SPTAN1: variants seen among roughly 807,000 people sequenced by gnomAD.
SPTAN1 encodes spectrin alpha chain, non-erythrocytic 1.
SPTAN1 carries 61 observed loss-of-function variants against 331.3 expected under a neutral mutation model. The observed-to-expected ratio is 0.18, with a 90% CI of 0.15 to 0.23. SPTAN1 has a LOEUF of 0.23. Among genes scored for constraint, SPTAN1 ranks in the 10% least tolerant of loss-of-function variants. The probability of loss-of-function intolerance (pLI) is 1.00; values close to 1 mark genes in which losing one functional copy is unlikely to be tolerated. For missense variants in SPTAN1, 2,043 were observed against 3,147.9 expected (o/e 0.65, Z 8.40); for synonymous variants, 1,153 against 1,173.9 (o/e 0.98, Z 0.36).
chr9:128,568,081 G>A lies in SPTAN1; in HGVS notation c.238-691G>A, dbSNP rs1032608562. On this transcript the variant is annotated intron_variant, in intron 2 of 56. Coordinates refer to ENST00000372739, the MANE Select transcript of SPTAN1 (RefSeq NM_001130438.3). ...TCGGCCAAAACTTTTTTTATAAAAA[G>A]GGAAAGCCTTTCTTCTCACTTATTT... Among the ~76,000 whole-genome samples the A allele has an allele frequency of 9.2e-5, 14 of 152,312 alleles. No individual in the cohort carries two copies. In the South Asian group the frequency reaches 2.5e-3, roughly 27 times the overall value.
At chr9:128,613,834 G>A (rs1037071006) in intron 40 of SPTAN1, among the ~76,000 whole-genome samples, 3 of 151,618 alleles carry the variant, frequency 2.0e-5, no homozygotes, top group Non-Finnish European at 2.9e-5. Flanking sequence ...TGAGACCTCC[G>A]TCTCTACTAA....
intron 45 of SPTAN1, among the ~76,000 whole-genome samples, chr9:128,623,879 A>C (rs990110050): frequency 6.6e-6 from 1 of 151,724 alleles, no homozygotes; most frequent in Non-Finnish European, 1.5e-5. Flanking sequence ...TGAGGTCAGG[A>C]GTTCGAGACC....
intron 1 of SPTAN1, among the ~76,000 whole-genome samples, chr9:128,560,851 T>C (rs1284032819): frequency 6.6e-6 from 1 of 151,264 alleles, no homozygotes; most frequent in Non-Finnish European, 1.5e-5. Flanking sequence ...ACCCAATCTC[T>C]ACAAAAGTAC....
intron 3 of SPTAN1, among the ~76,000 whole-genome samples, chr9:128,572,429 C>T (rs1850835065): frequency 6.6e-6 from 1 of 151,996 alleles, no homozygotes; most frequent in South Asian, 2.1e-4. Context: ...TCAGACACAT[C>T]AGCAATGGGA....
intron 10 of SPTAN1, 110 bp from the exon 11 acceptor site, chr9:128,580,812 A>G: frequency 4.7e-6 from 7 of 1,498,758 alleles, no homozygotes; most frequent in Non-Finnish European, 5.5e-6. Flanking sequence ...ATCGGAAAAA[A>G]GGCCTGAAGA....
chr9:128,633,124 G>A lies in SPTAN1; in HGVS notation c.7309-85G>A, dbSNP rs1860085808. The A allele has an allele frequency of 5.0e-6, 8 of 1,605,034 alleles. No individual in the cohort carries two copies. The Admixed American group carries it at 6.7e-5, about 14-fold the overall frequency. On this transcript the variant is annotated intron_variant, in intron 56 of 56. Coordinates refer to ENST00000372739, the MANE Select transcript of SPTAN1 (RefSeq NM_001130438.3). ...GATCTGCTTGTAGAAGCAGCTCCGA[G>A]CCCCCAGCATCCTGAGACCTGGGAG...
Position 128,625,726 on chromosome 9 carries a change from T to C in SPTAN1, c.6070-43T>C, listed in dbSNP as rs1858633301. 4 of 1,584,114 alleles carry C rather than the reference T, an allele frequency of 2.5e-6. No homozygotes were observed. In the East Asian group the frequency reaches 6.7e-5, roughly 27 times the overall value. ...TGAGCCTAGGAAGAGCAAGTTCCAG[T>C]CCTGTGGAGTCACCACAAATTGGCT... On this transcript the variant is annotated intron_variant, in intron 47 of 56. Coordinates refer to ENST00000372739, the MANE Select transcript of SPTAN1 (RefSeq NM_001130438.3). This position sits in a 1 kb window ranked among gnomAD's most constrained non-coding sequence, Gnocchi z 4.1.
Position 128,585,730 on chromosome 9 carries a change from T to A in SPTAN1, c.2561-18T>A. 1.9e-6 allele frequency: 3 copies of A among 1,609,658 alleles called. No homozygotes were observed. Among genetic ancestry groups the A allele is most frequent in the Non-Finnish European group, 8.5e-7 (1 of 1,176,316 alleles). ...TCAACGTAGTTTTTGTTATCCTCTT[T>A]CCCTACCCATCTTCCAGGCCATTTT... On this transcript the variant is annotated intron_variant, in intron 18 of 56. Coordinates refer to ENST00000372739, the MANE Select transcript of SPTAN1 (RefSeq NM_001130438.3).
At chr9:128,600,524 G>A (rs1384482282) in intron 27 of SPTAN1, among the ~76,000 whole-genome samples, 2 of 152,204 alleles carry the variant, frequency 1.3e-5, no homozygotes, top group Non-Finnish European at 2.9e-5. Context: ...CTTCAGAGAT[G>A]CCCAATACAG....
In SPTAN1 at chr9:128,566,764, G is replaced by A; in HGVS notation, c.24G>A (p.Val8=). 3 of 1,614,188 alleles carry A rather than the reference G, an allele frequency of 1.9e-6. No individual in the cohort carries two copies. The South Asian group carries it at 3.3e-5, about 18-fold the overall frequency. ...AAATGGACCCAAGTGGGGTCAAAGT[G>A]CTGGAAACAGCAGAGGACATCCAGG... The part of the protein sequence containing the change: MDPSGVK[V]LETAEDIQER... Residue 8 remains valine (V), a synonymous_variant, in exon 2 of 57, where the codon GTG becomes GTA. Transcript: ENST00000372739.
Position 128,633,193 on chromosome 9 carries a change from ATC to A in SPTAN1, c.7309-12_7309-11del, listed in dbSNP as rs770948927. 1,065 of 1,613,898 alleles carry A rather than the reference ATC, an allele frequency of 6.6e-4. 7 individuals are homozygous for A. Among genetic ancestry groups the A allele is most frequent in the Non-Finnish European group, 6.6e-4 (776 of 1,179,990 alleles). On this transcript the variant is annotated splice_polypyrimidine_tract_variant and intron_variant, in intron 56 of 56. Coordinates refer to ENST00000372739, the MANE Select transcript of SPTAN1 (RefSeq NM_001130438.3). ...GCAGCTGGCTCAGGCACCAGGTGCC[ATC>A]TCTTACCCCACAGAACCTGACCCGG...
At chr9:128,575,126 G>A in intron 4 of SPTAN1, 73 bp from the exon 5 acceptor site, 1 of 1,596,906 alleles carries the variant, frequency 6.3e-7, no homozygotes. Flanking sequence ...TAATGTGTCT[G>A]TTTGATGTTT....
rs1850092105 is a variant in SPTAN1 at position 128,566,822 on chromosome 9, C to T, written c.82C>T (p.Arg28Cys). 6.2e-7 allele frequency: 1 copy of T among 1,614,182 alleles called. No homozygotes were observed. Among genetic ancestry groups the T allele is most frequent in the East Asian group, 2.2e-5 (1 of 44,884 alleles). The part of the protein sequence containing the change: ...RRQQVLDRYH[R>C]FKELSTLRRQ... ...GCAGCAGGTCCTAGACCGATACCAC[C>T]GCTTCAAGGAACTCTCAACCCTTAG... The change falls in exon 2 of 57, where the codon CGC (arginine) becomes TGC (cysteine). Residue 28 changes from arginine (R) to cysteine (C), a missense_variant. Arg to Cys is a radical substitution (Grantham distance 180). This residue lies in a region of SPTAN1 where 1,038 missense variants were observed against 1,531.5 expected (regional missense o/e 0.68). Coordinates refer to ENST00000372739, the MANE Select transcript of SPTAN1 (RefSeq NM_001130438.3).
chr9:128,627,449 G>A lies in SPTAN1; in HGVS notation c.6640G>A (p.Glu2214Lys). Residue 2214 changes from glutamate (E) to lysine (K), a missense_variant, in exon 50 of 57, where the codon GAG becomes AAG. By Grantham distance (56) the Glu-to-Lys change is moderately conservative. Transcript: ENST00000372739. The surrounding 1 kb of genome is among the most constrained non-coding windows in gnomAD (Gnocchi z 4.9). The part of the protein sequence containing the change: ...RQEENDKLRQ[E>K]FAQHANAFHQ... ...GGAGGAGAACGACAAGCTGCGCCAG[G>A]AGTTTGCCCAGCACGCCAACGCCTT... 6.4e-7 allele frequency: 1 copy of A among 1,551,144 alleles called. No homozygotes were observed. The highest frequency in any genetic ancestry group is 1.2e-5 in the South Asian group (1 of 84,082).
Position 128,627,319 on chromosome 9 carries a change from T to C in SPTAN1, c.6577-67T>C. The C allele has an allele frequency of 1.4e-6, 2 of 1,413,738 alleles. No individual in the cohort carries two copies. Among genetic ancestry groups the C allele is most frequent in the Admixed American group, 4.0e-5 (2 of 50,542 alleles). 87.6% of individuals were successfully genotyped at this position (1,413,738 alleles called of 1,614,324 possible). A position where few individuals can be genotyped will look rare whatever the true frequency, so the allele number is the denominator to read the frequency against. Reference sequence around the variant, plus strand: ...GGAGGCCACCACCACCCTGAGCCCATCTGTGAAGGAGGGGCTGGTGTCACT... The same window carrying C: ...GGAGGCCACCACCACCCTGAGCCCACCTGTGAAGGAGGGGCTGGTGTCACT... On this transcript the variant is annotated intron_variant, in intron 49 of 56. Transcript: ENST00000372739. This position sits in a 1 kb window ranked among gnomAD's most constrained non-coding sequence, Gnocchi z 4.9.
chr9:128,632,976 G>C (rs542116995), intron 56 of SPTAN1, 21 bp downstream of exon 56: 1 of 1,609,092 alleles, frequency 6.2e-7, no homozygotes, highest in African/African-American at 1.3e-5. Flanking sequence ...CAGGAGGTGG[G>C]TGAAGAGGTG....
chr9:128,617,543 T>G, intron 41 of SPTAN1, 97 bp from the exon 42 acceptor site: 2 of 1,575,112 alleles, frequency 1.3e-6, no homozygotes, highest in Non-Finnish European at 1.7e-6. Context: ...CCAGAAAGAT[T>G]AGTAGATGTC....
In SPTAN1 at chr9:128,582,551, G is replaced by A. The variant is rs868661967; in HGVS notation, c.1645G>A (p.Asp549Asn). The A allele has an allele frequency of 5.6e-6, 9 of 1,613,704 alleles. No homozygotes were observed. In the African/African-American group the frequency reaches 8.0e-5, roughly 14 times the overall value. The change falls in exon 13 of 57, where the codon GAT becomes AAT. Residue 549 changes from aspartate to asparagine, a missense_variant. This residue lies in a region of SPTAN1 where 1,038 missense variants were observed against 1,531.5 expected (regional missense o/e 0.68). Coordinates refer to ENST00000372739, the MANE Select transcript of SPTAN1 (RefSeq NM_001130438.3). ...YAMEDVATRR[D>N]ALLSRRNALH... is the part of the protein sequence containing the mutation. ...AATGGAAGATGTGGCCACTCGCCGAGATGCTGTAAGTTTGTAGGTTCTTCA... is the reference window on the plus strand; with the variant it reads ...AATGGAAGATGTGGCCACTCGCCGAAATGCTGTAAGTTTGTAGGTTCTTCA...
chr9:128,557,903 A>C (rs1848836132), intron 1 of SPTAN1, among the ~76,000 whole-genome samples: 2 of 144,940 alleles, frequency 1.4e-5, no homozygotes, highest in Non-Finnish European at 3.0e-5. Flanking sequence ...TCCCAGGTTC[A>C]CGCCATTCTC....
Sources: allele counts gnomAD v4.1 joint callset (sites outside exome capture counted in the v4.1 genomes callset), GRCh38; gene constraint gnomAD v4.1.1; regional missense constraint gnomAD v4.1.1; non-coding constraint Gnocchi (gnomAD v3.1); transcripts MANE v1.5; gene names NCBI Gene and HGNC (gene_info 2026-07-23, HGNC 2026-07-21).